Variants in DYNC2H1 observed in about 807,000 individuals in gnomAD.
DYNC2H1 encodes the protein cytoplasmic dynein 2 heavy chain 1.
Under a neutral mutation model 570.0 loss-of-function variants are expected in DYNC2H1, and 410 were observed. The ratio of observed to expected loss-of-function variants is 0.72; its 90% confidence interval spans 0.66 to 0.78. The LOEUF is 0.78. Among genes scored for constraint, DYNC2H1 ranks in the 30% least tolerant of loss-of-function variants. The pLI, the probability that DYNC2H1 is intolerant of heterozygous loss-of-function variation, is 0.00. For synonymous variants in DYNC2H1, 1,688 were observed against 1,677.6 expected, an observed-to-expected ratio of 1.01 and a Z score of -0.15; for missense variants, 4,865 against 5,046.4, an observed-to-expected ratio of 0.96 and a Z score of 1.09.
Position 103,177,958 on chromosome 11 carries a change from T to C in DYNC2H1, c.6139+138T>C. ...AAGTTAAAATGATGTACATTTGATA[T>C]TTTACTTTGGAGGGGGCCAAGACAT... is the stretch of plus-strand genomic sequence containing the variant. On this transcript the variant is annotated intron_variant, in intron 38 of 88. Transcript: ENST00000375735. This position sits in a 1 kb window ranked among gnomAD's most constrained non-coding sequence, Gnocchi z 4.4. The C allele has an allele frequency of 7.8e-6, 8 of 1,032,070 alleles. No individual in the cohort carries two copies. Among genetic ancestry groups the C allele is most frequent in the Non-Finnish European group, 1.1e-5 (8 of 754,658 alleles). The allele number at this position is 1,032,070 out of a possible 1,614,324, so 63.9% of individuals were successfully genotyped here.
rs530590227 is a variant in DYNC2H1, at chr11:103,334,209, C to A, written c.12039+10219C>A. ...TAAAATTTTTCCATCTCTGTTAATT[C>A]CTGAGGCAAACACAATAATCTATTC... On this transcript the variant is annotated intron_variant, in intron 82 of 88. Coordinates refer to ENST00000375735, the MANE Select transcript of DYNC2H1 (RefSeq NM_001377.3). This position sits in a 1 kb window ranked among gnomAD's most constrained non-coding sequence, Gnocchi z 4.3. 1.7e-4 allele frequency among the ~76,000 whole-genome samples: 26 copies of A among 152,174 alleles called. No homozygotes were observed. Among genetic ancestry groups the A allele is most frequent in the African/African-American group, 6.3e-4 (26 of 41,502 alleles).
chr11:103,339,738 A>T (rs1183500092), intron 82 of DYNC2H1, among the ~76,000 whole-genome samples: 54 of 152,222 alleles, frequency 3.5e-4, no homozygotes, highest in Admixed American at 3.5e-3. Context: ...GGGCTTGCCC[A>T]AGTACTATAG....
intron 18 of DYNC2H1, 39 bp downstream of exon 18, chr11:103,143,434 T>C (rs1860071907): frequency 6.5e-7 from 1 of 1,540,924 alleles, no homozygotes; most frequent in South Asian, 1.3e-5. Context: ...ACCATAATAA[T>C]TTTTTGACAT....
At chr11:103,270,364 T>G (rs1202300842) in intron 70 of DYNC2H1, among the ~76,000 whole-genome samples, 2 of 151,962 alleles carry the variant, frequency 1.3e-5, no homozygotes, top group Non-Finnish European at 2.9e-5. Flanking sequence ...ACATAATATA[T>G]GTAGGCTTTG....
chr11:103,327,052 T>G (rs1938533217), intron 82 of DYNC2H1, among the ~76,000 whole-genome samples: 1 of 152,110 alleles, frequency 6.6e-6, no homozygotes, highest in African/African-American at 2.4e-5. Context: ...GTCTCCTCAC[T>G]CATCACTTCC....
rs1197938515 is a variant in DYNC2H1 at position 103,464,026 on chromosome 11, TC to T, written c.12649-4561del. On this transcript the variant is annotated intron_variant, in intron 87 of 88. Transcript: ENST00000375735. ...AATACTGCTCAAGATGAACCTAGAATCCAAAATCCAAAGTAAATGGGAAAAA... is the reference window on the plus strand; with the variant it reads ...AATACTGCTCAAGATGAACCTAGAATCAAAATCCAAAGTAAATGGGAAAAA... Among the ~76,000 whole-genome samples, 4 of 151,392 alleles carry T rather than the reference TC, an allele frequency of 2.6e-5. No individual in the cohort carries two copies. In the East Asian group the frequency reaches 7.8e-4, roughly 29 times the overall value.
chr11:103,423,344 A>T (rs1212534737), intron 84 of DYNC2H1, among the ~76,000 whole-genome samples: 1 of 151,728 alleles, frequency 6.6e-6, no homozygotes, highest in Admixed American at 6.6e-5. Context: ...GTAATTAAAT[A>T]AGAAAAGGAA....
chr11:103,410,106 T>G (rs111897844), intron 84 of DYNC2H1, among the ~76,000 whole-genome samples: 1 of 152,232 alleles, frequency 6.6e-6, no homozygotes, highest in South Asian at 2.1e-4. Context: ...CACTTTGGTT[T>G]GTCCAAATGC....
intron 83 of DYNC2H1, among the ~76,000 whole-genome samples, chr11:103,396,435 CAA>C (rs1471623484): frequency 2.6e-5 from 4 of 152,232 alleles, no homozygotes; most frequent in Non-Finnish European, 5.9e-5. Flanking sequence ...TTACAGCCCA[CAA>C]AGTCTGACGT....
rs1038900116 is a variant in DYNC2H1 at position 103,465,456 on chromosome 11, G to C, written c.12649-3133G>C. Among the ~76,000 whole-genome samples, 10 of 146,344 alleles carry C rather than the reference G, an allele frequency of 6.8e-5. No homozygotes were observed. Among genetic ancestry groups the C allele is most frequent in the African/African-American group, 2.5e-4 (10 of 40,286 alleles). ...CAACCAGTATCCCAAAGTGTGTTTT[G>C]TTTTTTTTTTTAATCTGTGGCACAT... is the stretch of plus-strand genomic sequence containing the variant. On this transcript the variant is annotated intron_variant, in intron 87 of 88. Transcript: ENST00000375735. This position sits in a 1 kb window ranked among gnomAD's most constrained non-coding sequence, Gnocchi z 4.9.
intron 82 of DYNC2H1, among the ~76,000 whole-genome samples, chr11:103,332,417 G>A (rs1452742032): frequency 6.6e-6 from 1 of 151,306 alleles, no homozygotes; most frequent in Non-Finnish European, 1.5e-5. Flanking sequence ...AAAGCTTAAA[G>A]GACACCATGC....
Position 103,254,244 on chromosome 11 carries a change from T to C in DYNC2H1, c.10206+796T>C, listed in dbSNP as rs1346882. Among the ~76,000 whole-genome samples the C allele has an allele frequency of 0.18, 26,816 of 152,126 alleles. 3,012 individuals are homozygous for C. The highest frequency in any genetic ancestry group is 0.32 in the African/African-American group (13,341 of 41,472). On this transcript the variant is annotated intron_variant, in intron 66 of 88. Coordinates refer to ENST00000375735, the MANE Select transcript of DYNC2H1 (RefSeq NM_001377.3). This position sits in a 1 kb window ranked among gnomAD's most constrained non-coding sequence, Gnocchi z 4.9. ...TTTAAATAAAACAATGTGACAATCA[T>C]TCAAAACTTGGCAGAATTAATTGAC...
chr11:103,453,676 C>T (rs992319101), intron 85 of DYNC2H1, among the ~76,000 whole-genome samples: 1 of 147,772 alleles, frequency 6.8e-6, no homozygotes, highest in African/African-American at 2.5e-5. Flanking sequence ...CTCTTCAGGA[C>T]ATTTGAATTC....
intron 87 of DYNC2H1, among the ~76,000 whole-genome samples, chr11:103,460,709 A>G (rs1944981451): frequency 6.6e-6 from 1 of 151,060 alleles, no homozygotes; most frequent in Non-Finnish European, 1.5e-5. Flanking sequence ...TTATATATAC[A>G]ATGAATATAT....
chr11:103,461,651 A>C lies in DYNC2H1; in HGVS notation c.12648+5295A>C, dbSNP rs1368579741. ...GTAACCACATATGGCTGCTGAGCACATACGGGTACTATATTGTAGCTCTGC... is the reference window on the plus strand; with the variant it reads ...GTAACCACATATGGCTGCTGAGCACCTACGGGTACTATATTGTAGCTCTGC... On this transcript the variant is annotated intron_variant, in intron 87 of 88. Coordinates refer to ENST00000375735, the MANE Select transcript of DYNC2H1 (RefSeq NM_001377.3). The surrounding 1 kb of genome is among the most constrained non-coding windows in gnomAD (Gnocchi z 4.8). Among the ~76,000 whole-genome samples the C allele has an allele frequency of 6.6e-6, 1 of 152,200 alleles. No individual in the cohort carries two copies. The highest frequency in any genetic ancestry group is 6.5e-5 in the Admixed American group (1 of 15,288).
In DYNC2H1 at chr11:103,326,859, A is replaced by G. The variant is rs992523275; in HGVS notation, c.12039+2869A>G. ...GATGAGGACCCCTGGGGGAATGGGC[A>G]CTTAGGGCCTTACTCTACTACAGCT... On this transcript the variant is annotated intron_variant, in intron 82 of 88. Transcript: ENST00000375735. This position sits in a 1 kb window ranked among gnomAD's most constrained non-coding sequence, Gnocchi z 6.1. Among the ~76,000 whole-genome samples the G allele has an allele frequency of 6.6e-6, 1 of 152,142 alleles. No homozygotes were observed. Among genetic ancestry groups the G allele is most frequent in the Non-Finnish European group, 1.5e-5 (1 of 68,016 alleles).
intron 59 of DYNC2H1, among the ~76,000 whole-genome samples, chr11:103,230,822 A>G (rs1863976634): frequency 6.6e-6 from 1 of 152,064 alleles, no homozygotes. Context: ...GTGGGCTCTG[A>G]TCGTACCACT....
At chr11:103,159,109 A>G (rs1860970699) in intron 28 of DYNC2H1, 82 bp downstream of exon 28, 7 of 1,049,158 alleles carry the variant, frequency 6.7e-6, no homozygotes, top group Non-Finnish European at 8.5e-6. Context: ...TAGGTAGACT[A>G]CTGAATACAG....
chr11:103,237,207 C>T (rs2135203696), intron 63 of DYNC2H1, among the ~76,000 whole-genome samples: 1 of 152,016 alleles, frequency 6.6e-6, no homozygotes, highest in Non-Finnish European at 1.5e-5. Flanking sequence ...TTCTTTCTGT[C>T]AATAGTTTAT....
Sources: gnomAD v4.1 joint callset for allele counts (sites outside exome capture counted in the v4.1 genomes callset) on GRCh38, gnomAD v4.1.1 for gene constraint, Gnocchi (gnomAD v3.1) non-coding constraint, MANE v1.5 for transcripts, NCBI Gene and HGNC (gene_info 2026-07-23, HGNC 2026-07-21) for gene names.